PRDM11: variants seen among roughly 807,000 people sequenced by gnomAD.
PRDM11 encodes the protein PR domain-containing protein 11.
Under a neutral mutation model 97.8 loss-of-function variants are expected in PRDM11, and 20 were observed. That is an observed-to-expected ratio of 0.20 (90% CI 0.14 to 0.30). The LOEUF (loss-of-function observed/expected upper bound fraction) is 0.30. Among genes scored for constraint, PRDM11 ranks in the 10% least tolerant of loss-of-function variants. The probability of loss-of-function intolerance (pLI) is 1.00; values close to 1 mark genes in which losing one functional copy is unlikely to be tolerated. For missense variants in PRDM11, 1,139 were observed against 1,555.2 expected, an observed-to-expected ratio of 0.73 and a Z score of 4.50; for synonymous variants, 599 against 637.7, an observed-to-expected ratio of 0.94 and a Z score of 0.91.
intron 1 of PRDM11, among the ~76,000 whole-genome samples, chr11:45,136,989 CAAAAAA>C (rs759854361): frequency 9.1e-6 from 1 of 110,066 alleles, no homozygotes; most frequent in East Asian, 3.1e-4. Flanking sequence ...ACTAAAAATA[CAAAAAA>C]AAAAAAAAAG....
intron 1 of PRDM11, among the ~76,000 whole-genome samples, chr11:45,113,463 TG>T (rs1227206035): frequency 1.3e-5 from 2 of 152,126 alleles, no homozygotes; most frequent in African/African-American, 2.4e-5. Context: ...ATTTTAGGAT[TG>T]TTTTTTCTAG....
intron 1 of PRDM11, among the ~76,000 whole-genome samples, chr11:45,155,370 T>G (rs1851767584): frequency 6.6e-6 from 1 of 152,008 alleles, no homozygotes; most frequent in Non-Finnish European, 1.5e-5. Context: ...GAAGTGAGCT[T>G]CTCTTGGGAG....
intron 1 of PRDM11, among the ~76,000 whole-genome samples, chr11:45,133,441 C>T (rs754989619): frequency 6.6e-6 from 1 of 152,250 alleles, no homozygotes; most frequent in African/African-American, 2.4e-5. Flanking sequence ...ATTCTCATAA[C>T]TTTCTGGCCA....
chr11:45,106,600 A>G (rs1852065417), intron 1 of PRDM11, among the ~76,000 whole-genome samples: 1 of 152,122 alleles, frequency 6.6e-6, no homozygotes, highest in Non-Finnish European at 1.5e-5. Context: ...CGCCGGCTGG[A>G]AGATTAAGGC....
chr11:45,126,153 T>G (rs1852565467), intron 1 of PRDM11, among the ~76,000 whole-genome samples: 1 of 152,154 alleles, frequency 6.6e-6, no homozygotes, highest in East Asian at 1.9e-4. Context: ...AGACTAGGAT[T>G]GCAACCCCTG....
chr11:45,208,943 C>T (rs1390890991), intron 5 of PRDM11: 2 of 456,580 alleles, frequency 4.4e-6, no homozygotes, highest in African/African-American at 2.0e-5. Flanking sequence ...ACATTCTTGT[C>T]ACAGAGGTGA....
Position 45,226,231 on chromosome 11 carries a change from A to C in PRDM11, c.1606A>C (p.Thr536Pro). ...GTGGTGCCACGTCTGCCGCCAGTAC[A>C]CGGTGCAGTCCTCACGCACCTCGGC... is the stretch of plus-strand genomic sequence containing the variant. ...EMWCHVCRQY[T>P]VQSSRTSAFI... The change falls in exon 8 of 8, where the codon ACG becomes CCG. Residue 536 changes from threonine (T) to proline (P), a missense_variant. Around this residue, in one of 2 missense-constraint regions of PRDM11, gnomAD observed 710 missense variants for 1,044.9 expected, o/e 0.68. Transcript: ENST00000683152. 1 of 1,533,970 alleles carries C rather than the reference A, an allele frequency of 6.5e-7. No homozygotes were observed. The highest frequency in any genetic ancestry group is 8.7e-7 in the Non-Finnish European group (1 of 1,146,736).
At position 45,224,535 on chromosome 11, in the gene PRDM11, A is replaced by C. The variant is rs1854213583; in HGVS notation, c.1061A>C (p.Gln354Pro). ...GCAACAACAATGACCCATGGTGTGC[A>C]GAATATAGGCCAGACCCAGGGGGAG... Reference protein sequence around the residue: ...QCATTMTHGVQNIGQTQGEGD... With the variant: ...QCATTMTHGVPNIGQTQGEGD... The change falls in exon 7 of 8, where the codon CAG becomes CCG. Residue 354 changes from glutamine to proline, a missense_variant. By Grantham distance (76) the Gln-to-Pro change is moderately conservative. This residue lies in a region of PRDM11 where 429 missense variants were observed against 510.3 expected (regional missense o/e 0.84). Coordinates refer to ENST00000683152, the MANE Select transcript of PRDM11 (RefSeq NM_001384648.1). 1 of 1,614,048 alleles carries C rather than the reference A, an allele frequency of 6.2e-7. No individual in the cohort carries two copies. The highest frequency in any genetic ancestry group is 8.5e-7 in the Non-Finnish European group (1 of 1,180,038).
chr11:45,127,463 A>G (rs981553395), intron 1 of PRDM11, among the ~76,000 whole-genome samples: 2 of 151,944 alleles, frequency 1.3e-5, no homozygotes, highest in African/African-American at 4.8e-5. Flanking sequence ...CCATCTTTGT[A>G]GTTTTATCTA....
rs559027658 is a variant in PRDM11, at chr11:45,171,007, G to A, written c.-6-10754G>A. Reference sequence around the variant, plus strand: ...GTCTTTTGCTATCCCAGACAGTGCTGCAAGGAATACTGTTGCACAGATGTC... The same window carrying A: ...GTCTTTTGCTATCCCAGACAGTGCTACAAGGAATACTGTTGCACAGATGTC... On this transcript the variant is annotated intron_variant, in intron 1 of 7. Transcript: ENST00000683152. Among the ~76,000 whole-genome samples, 23 of 152,320 alleles carry A rather than the reference G, an allele frequency of 1.5e-4. 2 individuals carry two copies. In the South Asian group the frequency reaches 4.8e-3, roughly 32 times the overall value.
chr11:45,198,252 G>A (rs1379769460), intron 4 of PRDM11, among the ~76,000 whole-genome samples: 2 of 152,162 alleles, frequency 1.3e-5, no homozygotes, highest in Non-Finnish European at 2.9e-5. Context: ...CCCTCATCTA[G>A]CTTAAGTATT....
intron 4 of PRDM11, among the ~76,000 whole-genome samples, chr11:45,186,324 AGTTCCTGG>A (rs1565303059): frequency 1.3e-5 from 2 of 152,072 alleles, no homozygotes; most frequent in East Asian, 3.9e-4. Context: ...GGATGAGTAG[AGTTCCTGG>A]TGCCCGTGAG....
At chr11:45,107,157 G>A (rs1447345744) in intron 1 of PRDM11, among the ~76,000 whole-genome samples, 5 of 152,174 alleles carry the variant, frequency 3.3e-5, no homozygotes, top group South Asian at 2.1e-4. Context: ...TAAGTGCCAC[G>A]TTAGCACACC....
In PRDM11 at chr11:45,158,193, GTAAC is replaced by G. The variant is rs1242769235; in HGVS notation, c.-7+11318_-7+11321del. ...TCTGTCACAGCCTCCTGTCCCTAGA[GTAAC>G]TGACCTGCCCTGTCCCAGGGCTGCT... On this transcript the variant is annotated intron_variant, in intron 1 of 7. Coordinates refer to ENST00000683152, the MANE Select transcript of PRDM11 (RefSeq NM_001384648.1). 2.6e-5 allele frequency among the ~76,000 whole-genome samples: 4 copies of G among 152,358 alleles called. No homozygotes were observed. The East Asian group carries it at 5.8e-4, about 22-fold the overall frequency.
In PRDM11 at chr11:45,181,678, C is replaced by G; in HGVS notation, c.-6-83C>G. 4 of 1,161,354 alleles carry G rather than the reference C, an allele frequency of 3.4e-6. No homozygotes were observed. The South Asian group carries it at 5.6e-5, about 16-fold the overall frequency. 71.9% of individuals were successfully genotyped at this position (1,161,354 alleles called of 1,614,324 possible). On this transcript the variant is annotated intron_variant, in intron 1 of 7. Coordinates refer to ENST00000683152, the MANE Select transcript of PRDM11 (RefSeq NM_001384648.1). ...AGGGTAACCAGACTCCGCGAGACCC[C>G]CACTTGCCCTCTCCGCCGCTCACTC...
intron 5 of PRDM11, among the ~76,000 whole-genome samples, chr11:45,207,822 G>C (rs1853570303): frequency 6.6e-6 from 1 of 152,120 alleles, no homozygotes; most frequent in African/African-American, 2.4e-5. Context: ...GGAAGGTGAG[G>C]GCTGAAGGAT....
intron 1 of PRDM11, among the ~76,000 whole-genome samples, chr11:45,111,214 C>CTTGGGCCCGTGGAAATCGCTAGTCTT (rs1590343496): frequency 6.5e-5 from 8 of 122,688 alleles, no homozygotes; most frequent in Admixed American, 1.5e-4. Flanking sequence ...TCTTACAATC[C>CTTGGGCCCGTGGAAATCGCTAGTCTT]ATCCCACCCT....
At chr11:45,097,517 G>A (rs1316228135) in intron 1 of PRDM11, among the ~76,000 whole-genome samples, 1 of 142,832 alleles carries the variant, frequency 7.0e-6, no homozygotes, top group Non-Finnish European at 1.5e-5. Flanking sequence ...GCTCAGGGGT[G>A]GAACAAATCA....
chr11:45,144,768 C>A (rs1264440885), upstream of PRDM11, among the ~76,000 whole-genome samples: 2 of 152,228 alleles, frequency 1.3e-5, no homozygotes, highest in African/African-American at 2.4e-5. Flanking sequence ...TCTGACATTA[C>A]TTCCTTGGTG....
Sources: allele counts gnomAD v4.1 joint callset (sites outside exome capture counted in the v4.1 genomes callset), GRCh38; gene constraint gnomAD v4.1.1; regional missense constraint gnomAD v4.1.1; transcripts MANE v1.5; gene names NCBI Gene and HGNC (gene_info 2026-07-23, HGNC 2026-07-21).